The following DNER variants were observed in gnomAD, a reference collection of about 807,000 sequenced individuals.
The protein encoded by DNER is delta and Notch-like epidermal growth factor-related receptor.
A neutral mutation model predicts 78.2 loss-of-function variants in DNER; 33 were observed. That is an observed-to-expected ratio of 0.42 (90% CI 0.32 to 0.56). The LOEUF (loss-of-function observed/expected upper bound fraction) is 0.56. Among genes scored for constraint, DNER ranks in the 20% least tolerant of loss-of-function variants. DNER has a pLI of 0.11. For synonymous variants in DNER, 417 were observed against 384.8 expected, an observed-to-expected ratio of 1.08 and a Z score of -0.98; for missense variants, 918 against 975.3, an observed-to-expected ratio of 0.94 and a Z score of 0.78.
In DNER at chr2:229,477,264, C is replaced by T. The variant is rs745890355; in HGVS notation, c.1148-11G>A. ...GCTCTCCAGTATAACCTGAATAAAA[C>T]AAAATGTACATTTTATAAAATAAGC... On this transcript the variant is annotated splice_polypyrimidine_tract_variant and intron_variant, in intron 6 of 12. Transcript: ENST00000341772. 4 of 1,164,116 alleles carry T rather than the reference C, an allele frequency of 3.4e-6. No individual in the cohort carries two copies. The highest frequency in any genetic ancestry group is 3.1e-5 in the African/African-American group (2 of 63,940). 72.1% of individuals were successfully genotyped at this position (1,164,116 alleles called of 1,614,324 possible).
chr2:229,540,857 T>C lies in DNER; in HGVS notation c.993+6090A>G, dbSNP rs535907940. ...AGTAGTCAGCTCTGGTATCCGATCC[T>C]AATAGATTAAGGATGGTGGGTTCCT... On this transcript the variant is annotated intron_variant, in intron 5 of 12. Transcript: ENST00000341772. 2.0e-5 allele frequency among the ~76,000 whole-genome samples: 3 copies of C among 152,330 alleles called. No individual in the cohort carries two copies. The South Asian group carries it at 6.2e-4, about 32-fold the overall frequency.
At chr2:229,554,589 G>T (rs1335256310) in intron 4 of DNER, among the ~76,000 whole-genome samples, 1 of 152,186 alleles carries the variant, frequency 6.6e-6, no homozygotes, top group African/African-American at 2.4e-5. Context: ...CTACTTGGGA[G>T]GCAGAGGCAA....
At chr2:229,654,549 C>T (rs1293861275) in intron 1 of DNER, among the ~76,000 whole-genome samples, 1 of 152,136 alleles carries the variant, frequency 6.6e-6, no homozygotes. Flanking sequence ...GAAATCCCAT[C>T]CCAGAGGTTA....
chr2:229,529,105 A>G (rs1696258106), intron 5 of DNER, among the ~76,000 whole-genome samples: 1 of 152,220 alleles, frequency 6.6e-6, no homozygotes. Flanking sequence ...TACTTCTCAC[A>G]GTTTCATTTA....
chr2:229,684,181 T>A (rs1229992161), intron 1 of DNER, among the ~76,000 whole-genome samples: 56 of 147,754 alleles, frequency 3.8e-4, no homozygotes, highest in African/African-American at 1.3e-3. Flanking sequence ...TGTGTGTGTG[T>A]GTGTGTGTGT....
At chr2:229,392,152 A>G (rs1693029625) in intron 10 of DNER, among the ~76,000 whole-genome samples, 1 of 152,112 alleles carries the variant, frequency 6.6e-6, no homozygotes. Context: ...TACTTCACTA[A>G]GAGTTTATTC....
chr2:229,540,373 T>C (rs1008821752), intron 5 of DNER, among the ~76,000 whole-genome samples: 1 of 152,072 alleles, frequency 6.6e-6, no homozygotes, highest in Non-Finnish European at 1.5e-5. Context: ...ATACATCAGC[T>C]ATGGTGTGTG....
In DNER at chr2:229,407,292, C is replaced by G; in HGVS notation, c.1663G>C (p.Gly555Arg). 6.2e-7 allele frequency: 1 copy of G among 1,613,930 alleles called. No individual in the cohort carries two copies. Among genetic ancestry groups the G allele is most frequent in the Non-Finnish European group, 8.5e-7 (1 of 1,179,830 alleles). The change falls in exon 10 of 13, where the codon GGA becomes CGA. Residue 555 changes from glycine (G) to arginine (R), a missense_variant. Physicochemically the swap from Gly to Arg is moderately radical, Grantham distance 125 (BLOSUM62 -2). Coordinates refer to ENST00000341772, the MANE Select transcript of DNER (RefSeq NM_139072.4). Reference sequence around the variant, plus strand: ...AGGCCGTCGCTGTCACAGGTGGCTCCGTTCAGACAGCTGACGTTAGCGCAG... The same window carrying G: ...AGGCCGTCGCTGTCACAGGTGGCTCGGTTCAGACAGCTGACGTTAGCGCAG... ...DPCANVSCLN[G>R]ATCDSDGLNG...
chr2:229,374,097 A>G (rs1392154615), intron 11 of DNER, among the ~76,000 whole-genome samples: 2 of 152,110 alleles, frequency 1.3e-5, no homozygotes, highest in African/African-American at 4.8e-5. Flanking sequence ...GAGCCTGGGA[A>G]GCGAAGGGTG....
intron 5 of DNER, among the ~76,000 whole-genome samples, chr2:229,535,010 AT>A (rs1036247521): frequency 4.6e-5 from 7 of 151,900 alleles, no homozygotes; most frequent in African/African-American, 1.7e-4. Context: ...TAATTTCTGT[AT>A]TTTTAGTAGA....
intron 8 of DNER, among the ~76,000 whole-genome samples, chr2:229,419,236 G>A (rs1471422511): frequency 1.3e-5 from 2 of 152,152 alleles, no homozygotes; most frequent in Admixed American, 1.3e-4. Flanking sequence ...TAAAGGACAA[G>A]AAGACAACAT....
intron 5 of DNER, among the ~76,000 whole-genome samples, chr2:229,543,038 G>A (rs979591425): frequency 1.3e-5 from 2 of 151,072 alleles, no homozygotes; most frequent in Non-Finnish European, 3.0e-5. Flanking sequence ...GGCTCTACTA[G>A]AAACACCTGA....
intron 1 of DNER, among the ~76,000 whole-genome samples, chr2:229,684,221 G>A (rs1035069304): frequency 1.4e-5 from 2 of 140,200 alleles, no homozygotes; most frequent in East Asian, 2.2e-4. Flanking sequence ...TTGGGGCTAA[G>A]GAAAGGCACA....
intron 7 of DNER, among the ~76,000 whole-genome samples, chr2:229,476,889 A>G (rs1284251419): frequency 6.6e-6 from 1 of 152,030 alleles, no homozygotes; most frequent in Non-Finnish European, 1.5e-5. Flanking sequence ...CTATTTTATT[A>G]TAGCTATTCA....
At chr2:229,527,012 T>A (rs1696223631) in intron 5 of DNER, among the ~76,000 whole-genome samples, 1 of 152,152 alleles carries the variant, frequency 6.6e-6, no homozygotes, top group South Asian at 2.1e-4. Flanking sequence ...GCTCAAATTC[T>A]TTTTTCTAAG....
chr2:229,645,976 G>C (rs1473398790), intron 1 of DNER, among the ~76,000 whole-genome samples: 1 of 152,210 alleles, frequency 6.6e-6, no homozygotes, highest in African/African-American at 2.4e-5. Context: ...GAAATAAGTT[G>C]TCTGGGGGAA....
chr2:229,687,098 G>T (rs1699495389), intron 1 of DNER, among the ~76,000 whole-genome samples: 1 of 152,108 alleles, frequency 6.6e-6, no homozygotes, highest in African/African-American at 2.4e-5. Flanking sequence ...ATAGATGCAA[G>T]ATTGTCTTTA....
intron 3 of DNER, 64 bp downstream of exon 3, chr2:229,588,330 G>A (rs1697537213): frequency 1.2e-5 from 18 of 1,505,616 alleles, no homozygotes; most frequent in Non-Finnish European, 1.6e-5. Context: ...TCCGCGGATG[G>A]ACACAACCCC....
At chr2:229,539,024 C>T (rs10176624) in intron 5 of DNER, among the ~76,000 whole-genome samples, 3,722 of 152,286 alleles carry the variant, frequency 0.024, 162 homozygotes, top group African/African-American at 0.084. Context: ...TCACCACACA[C>T]TGAACAGAAC....
Sources: gnomAD v4.1 joint callset for allele counts (sites outside exome capture counted in the v4.1 genomes callset) on GRCh38, gnomAD v4.1.1 for gene constraint, MANE v1.5 for transcripts, NCBI Gene and HGNC (gene_info 2026-07-23, HGNC 2026-07-21) for gene names.